WASHC2A: variants seen among roughly 807,000 people sequenced by gnomAD.
The protein encoded by WASHC2A is WASH complex subunit FAM21A.
A neutral mutation model predicts 140.3 loss-of-function variants in WASHC2A; 82 were observed. The ratio of observed to expected loss-of-function variants is 0.58; its 90% CI spans 0.49 to 0.70. The LOEUF (loss-of-function observed/expected upper bound fraction) is 0.70, where lower values mean the gene tolerates loss of function less well. Ranked by LOEUF, WASHC2A falls within the 30% of genes least tolerant of loss-of-function variation. The pLI is 0.00. For synonymous variants in WASHC2A, 340 were observed against 560.8 expected, an observed-to-expected ratio of 0.61 and a Z score of 5.56; for missense variants, 985 against 1,521.8, an observed-to-expected ratio of 0.65 and a Z score of 5.87.
At chr10:50,095,833 A>T in intron 15 of WASHC2A, 55 bp downstream of exon 15, 2 of 1,554,134 alleles carry the variant, frequency 1.3e-6, no homozygotes, top group Non-Finnish European at 1.7e-6. Context: ...AACGTTGCCT[A>T]AAAAGAACAT....
intron 29 of WASHC2A, 88 bp from the exon 30 acceptor site, chr10:50,130,813 A>G (rs1475035390): frequency 3.1e-6 from 5 of 1,592,170 alleles, no homozygotes; most frequent in South Asian, 1.1e-5. Context: ...ACCCTGGCCA[A>G]TTGTATTTCC....
rs1844104865 is a variant in WASHC2A at position 50,132,833 on chromosome 10, C to T, written c.3914C>T (p.Ala1305Val). ...GACATCTTCTCCTCTGGTATCCAGG[C>T]TAAGACAACCAAACCAAAAAGCCGA... ...MDDIFSSGIQ[A>V]KTTKPKSRSA... The change falls in exon 31 of 31, where the codon GCT becomes GTT. Residue 1305 changes from alanine to valine, a missense_variant. Physicochemically the swap from Ala to Val is moderately conservative, Grantham distance 64 (BLOSUM62 0). Transcript: ENST00000282633. 1 of 1,611,910 alleles carries T rather than the reference C, an allele frequency of 6.2e-7. No individual in the cohort carries two copies. The highest frequency in any genetic ancestry group is 1.7e-5 in the Admixed American group (1 of 59,996).
intron 16 of WASHC2A, among the ~76,000 whole-genome samples, chr10:50,099,519 T>C (rs1840852937): frequency 6.6e-6 from 1 of 151,434 alleles, no homozygotes; most frequent in African/African-American, 2.4e-5. Flanking sequence ...TTGGCCAGTG[T>C]GTGTGTCCCC....
chr10:50,075,383 G>C (rs1180211051), intron 3 of WASHC2A, among the ~76,000 whole-genome samples: 1 of 150,952 alleles, frequency 6.6e-6, no homozygotes, highest in African/African-American at 2.4e-5. Context: ...TTTTGGGTGG[G>C]GATTCCTTGG....
At chr10:50,082,580 T>G (rs1486509719) in intron 5 of WASHC2A, among the ~76,000 whole-genome samples, 2 of 146,914 alleles carry the variant, frequency 1.4e-5, no homozygotes, top group Admixed American at 6.8e-5. Context: ...TGGGTTCAAG[T>G]GATTCTCCTG....
Position 50,099,901 on chromosome 10 carries a change from T to C in WASHC2A, c.1549-77T>C. Reference sequence around the variant, plus strand: ...GATTGATTGAGTAAACCCTCTTTTCTGGGTATCTTACGTGTTAATGCTTAA... The same window carrying C: ...GATTGATTGAGTAAACCCTCTTTTCCGGGTATCTTACGTGTTAATGCTTAA... On this transcript the variant is annotated intron_variant, in intron 16 of 30. Transcript: ENST00000282633. 3.2e-6 allele frequency: 4 copies of C among 1,246,146 alleles called. No individual in the cohort carries two copies. The South Asian group carries it at 5.7e-5, about 18-fold the overall frequency. 77.2% of individuals were successfully genotyped at this position (1,246,146 alleles called of 1,614,324 possible). A position where few individuals can be genotyped will look rare whatever the true frequency, so the allele number is the denominator to read the frequency against.
Position 50,133,409 on chromosome 10 carries a change from T to C in WASHC2A, c.*464T>C, listed in dbSNP as rs1844149245. 4.2e-6 allele frequency: 2 copies of C among 471,828 alleles called. No individual in the cohort carries two copies. Among genetic ancestry groups the C allele is most frequent in the Non-Finnish European group, 8.7e-6 (2 of 228,940 alleles). The allele number at this position is 471,828 out of a possible 1,614,324, so 29.2% of individuals were successfully genotyped here. On this transcript the variant is annotated 3_prime_UTR_variant, in exon 31 of 31. Transcript: ENST00000282633. ...ATATGGGAGCAGGTTTTCACTGAATTCTGAGGGTGCCTCTGCATGTCCTCC... is the reference window on the plus strand; with the variant it reads ...ATATGGGAGCAGGTTTTCACTGAATCCTGAGGGTGCCTCTGCATGTCCTCC...
rs766255954 is a variant in WASHC2A, at chr10:50,132,994, G to A, written c.*49G>A. The A allele has an allele frequency of 5.0e-6, 8 of 1,611,872 alleles. No individual in the cohort carries two copies. Among genetic ancestry groups the A allele is most frequent in the East Asian group, 2.2e-5 (1 of 44,878 alleles). ...ACCCTGCAGCTACATTGTTGAGTTA[G>A]TGATGATGTTGTATATGCTGATGGT... On this transcript the variant is annotated 3_prime_UTR_variant, in exon 31 of 31. Coordinates refer to ENST00000282633, the MANE Select transcript of WASHC2A (RefSeq NM_001005751.3).
chr10:50,084,718 C>T (rs1343965948), intron 6 of WASHC2A, among the ~76,000 whole-genome samples: 94 of 142,220 alleles, frequency 6.6e-4, no homozygotes, highest in Middle Eastern at 7.4e-3. Context: ...CATGAGCCAC[C>T]GTGCCCGGCT....
At chr10:50,091,905 A>G (rs1420747509) in intron 10 of WASHC2A, among the ~76,000 whole-genome samples, 2 of 152,168 alleles carry the variant, frequency 1.3e-5, no homozygotes, top group African/African-American at 2.4e-5. Flanking sequence ...AAGATAACAC[A>G]ATAATTCTTT....
chr10:50,110,832 G>A (rs1842222934), intron 20 of WASHC2A, among the ~76,000 whole-genome samples: 1 of 143,484 alleles, frequency 7.0e-6, no homozygotes, highest in Admixed American at 7.6e-5. Context: ...GGTGGAGGTT[G>A]CAGTGAGCTG....
At chr10:50,090,567 A>G (rs1206737508) in intron 8 of WASHC2A, among the ~76,000 whole-genome samples, 1 of 144,866 alleles carries the variant, frequency 6.9e-6, no homozygotes, top group African/African-American at 2.5e-5. Context: ...TTTTATATAT[A>G]TTTTTATATA....
chr10:50,117,900 T>A lies in WASHC2A; in HGVS notation c.2143-6T>A. ...TTGTGGATGTCATGTACTCTTCTTT[T>A]GGTAGAAAAAAGAGACTGTCTCTGA... On this transcript the variant is annotated splice_polypyrimidine_tract_variant and splice_region_variant and intron_variant, in intron 21 of 30. Coordinates refer to ENST00000282633, the MANE Select transcript of WASHC2A (RefSeq NM_001005751.3). 1 of 1,473,532 alleles carries A rather than the reference T, an allele frequency of 6.8e-7. No individual in the cohort carries two copies. Among genetic ancestry groups the A allele is most frequent in the Non-Finnish European group, 9.4e-7 (1 of 1,067,490 alleles). 91.3% of individuals were successfully genotyped at this position (1,473,532 alleles called of 1,614,324 possible). A position where few individuals can be genotyped will look rare whatever the true frequency, so the allele number is the denominator to read the frequency against.
rs1554874620 is a variant in WASHC2A at position 50,068,099 on chromosome 10, C to G, written c.4-6C>G. On this transcript the variant is annotated splice_region_variant and splice_polypyrimidine_tract_variant and intron_variant, in intron 1 of 30. Transcript: ENST00000282633. The stretch of plus-strand genomic sequence containing the variant: ...TCAGCTTCTCTTCTCGTTTTTTTCG[C>G]TGCAGATGAACCGGACGACCCCCGA... 5.6e-6 allele frequency: 9 copies of G among 1,608,426 alleles called. No individual in the cohort carries two copies. The highest frequency in any genetic ancestry group is 2.2e-5 in the East Asian group (1 of 44,840).
intron 28 of WASHC2A, among the ~76,000 whole-genome samples, chr10:50,128,899 A>G (rs1413771825): frequency 6.6e-5 from 10 of 151,526 alleles, no homozygotes; most frequent in East Asian, 5.8e-4. Context: ...TTTGAATTCA[A>G]TGTTTATTGA....
Position 50,095,521 on chromosome 10 carries a change from G to A in WASHC2A, c.1241-78G>A, listed in dbSNP as rs1362538649. ...TTAACTGAAATGGAAAGTTTTTGGT[G>A]GGTGATAATTTTTTTCTGTAAATTC... On this transcript the variant is annotated intron_variant, in intron 14 of 30. Coordinates refer to ENST00000282633, the MANE Select transcript of WASHC2A (RefSeq NM_001005751.3). The A allele has an allele frequency of 1.2e-5, 19 of 1,553,880 alleles. No homozygotes were observed. In the East Asian group the frequency reaches 4.3e-4, roughly 35 times the overall value.
intron 27 of WASHC2A, 67 bp from the exon 28 acceptor site, chr10:50,127,516 T>C: frequency 6.2e-7 from 1 of 1,611,826 alleles, no homozygotes; most frequent in African/African-American, 1.3e-5. Context: ...TCTTGTCATG[T>C]GTCACAATAA....
chr10:50,129,376 T>A, intron 28 of WASHC2A, 43 bp from the exon 29 acceptor site: 4 of 1,612,038 alleles, frequency 2.5e-6, no homozygotes, highest in Non-Finnish European at 3.4e-6. Context: ...TTTGAACACT[T>A]TATTTTATCG....
At chr10:50,124,291 G>A (rs879118326) in intron 23 of WASHC2A, among the ~76,000 whole-genome samples, 43,062 of 149,054 alleles carry the variant, frequency 0.29, 6,906 homozygotes, top group Middle Eastern at 0.4. Context: ...TTTAGTAGAG[G>A]TGGGGTTTCA....
Sources: allele counts gnomAD v4.1 joint callset (sites outside exome capture counted in the v4.1 genomes callset), GRCh38; gene constraint gnomAD v4.1.1; transcripts MANE v1.5; gene names NCBI Gene and HGNC (gene_info 2026-07-23, HGNC 2026-07-21).